The following OSBPL1A variants were observed in gnomAD, a reference collection of about 807,000 sequenced individuals.
The protein encoded by OSBPL1A is oxysterol binding protein like 1A.
OSBPL1A carries 80 observed loss-of-function variants against 137.1 expected under a neutral mutation model. That is an observed-to-expected ratio of 0.58 (90% confidence interval 0.49 to 0.70). The LOEUF is 0.70. OSBPL1A is among the 30% of genes least tolerant of loss of function. OSBPL1A has a pLI of 0.00. For missense variants in OSBPL1A, 970 were observed against 1,129.4 expected (o/e 0.86, Z 2.02); for synonymous variants, 365 against 389.7 (o/e 0.94, Z 0.75).
At chr18:24,349,506 C>T (rs558026592) in intron 4 of OSBPL1A, among the ~76,000 whole-genome samples, 11 of 152,190 alleles carry the variant, frequency 7.2e-5, no homozygotes, top group East Asian at 1.9e-4. Context: ...GACTAGAAGA[C>T]GGACTTGAAG....
chr18:24,327,923 A>T (rs1363853216), intron 7 of OSBPL1A, among the ~76,000 whole-genome samples: 1 of 150,642 alleles, frequency 6.6e-6, no homozygotes, highest in Non-Finnish European at 1.5e-5. Context: ...ATTAATTCTT[A>T]TTTCATTTGG....
intron 23 of OSBPL1A, 38 bp from the exon 24 acceptor site, chr18:24,170,491 GTT>G (rs1208909457): frequency 6.2e-7 from 1 of 1,612,734 alleles, no homozygotes; most frequent in Non-Finnish European, 8.5e-7. Context: ...ACAAACCAGT[GTT>G]TGTTTTTTTA....
At chr18:24,281,941 A>T (rs1175273252) in intron 14 of OSBPL1A, among the ~76,000 whole-genome samples, 1 of 152,182 alleles carries the variant, frequency 6.6e-6, no homozygotes, top group Non-Finnish European at 1.5e-5. Context: ...TGGCAGCATT[A>T]GATTCTCACG....
intron 18 of OSBPL1A, among the ~76,000 whole-genome samples, chr18:24,190,296 G>A (rs1394319877): frequency 2.2e-5 from 3 of 138,022 alleles, no homozygotes; most frequent in Non-Finnish European, 3.1e-5. Flanking sequence ...TGGAGGGACC[G>A]TGCTGCTCCT....
intron 2 of OSBPL1A, among the ~76,000 whole-genome samples, chr18:24,376,293 A>C (rs1009543373): frequency 6.6e-6 from 1 of 152,164 alleles, no homozygotes; most frequent in Non-Finnish European, 1.5e-5. Context: ...GGTTAGCTAG[A>C]TACAGAGTGT....
At chr18:24,254,997 A>G (rs1443921530) in intron 15 of OSBPL1A, among the ~76,000 whole-genome samples, 1 of 152,210 alleles carries the variant, frequency 6.6e-6, no homozygotes, top group Non-Finnish European at 1.5e-5. Flanking sequence ...AATAAATAAA[A>G]TCAGGGATGA....
intron 7 of OSBPL1A, among the ~76,000 whole-genome samples, chr18:24,328,218 ATTTTTTTTTT>A (rs564798076): frequency 0.011 from 557 of 48,610 alleles, 11 homozygotes; most frequent in African/African-American, 0.016. Context: ...AATTTTTTGT[ATTTTTTTTTT>A]TTTTTTTTTT....
chr18:24,241,020 T>C (rs1396855736), intron 15 of OSBPL1A, among the ~76,000 whole-genome samples: 3 of 152,178 alleles, frequency 2.0e-5, no homozygotes, highest in African/African-American at 7.2e-5. Flanking sequence ...AAACAAGCAA[T>C]GGGGAAAGGA....
intron 4 of OSBPL1A, among the ~76,000 whole-genome samples, chr18:24,362,120 G>C (rs1044572249): frequency 3.9e-5 from 6 of 152,068 alleles, no homozygotes; most frequent in Admixed American, 3.3e-4. Context: ...CCAGCTGCAA[G>C]ATGTTAGGAA....
chr18:24,221,883 T>G (rs1458290828), intron 17 of OSBPL1A, among the ~76,000 whole-genome samples: 1 of 152,214 alleles, frequency 6.6e-6, no homozygotes, highest in Non-Finnish European at 1.5e-5. Flanking sequence ...CAGTTTTAAT[T>G]GTAGTTTCTG....
chr18:24,175,830 A>G (rs1350164975), intron 21 of OSBPL1A, among the ~76,000 whole-genome samples: 2 of 152,162 alleles, frequency 1.3e-5, no homozygotes, highest in Non-Finnish European at 2.9e-5. Flanking sequence ...GTCTAGTTTG[A>G]GGTTCATTTT....
At position 24,341,149 on chromosome 18, in the gene OSBPL1A, T is replaced by C. The variant is rs114630445; in HGVS notation, c.394+398A>G. ...TAGCTGAGACTACAGGTGCACACCA[T>C]CATATCCACTTAATTTTTAATTTTT... On this transcript the variant is annotated intron_variant, in intron 5 of 27. Transcript: ENST00000319481. Among the ~76,000 whole-genome samples the C allele has an allele frequency of 7.3e-3, 1,115 of 152,148 alleles. 15 individuals carry two copies. Among genetic ancestry groups the C allele is most frequent in the African/African-American group, 0.026 (1,080 of 41,514 alleles).
At chr18:24,367,029 A>G in intron 3 of OSBPL1A, 63 bp from the exon 4 acceptor site, 1 of 1,396,728 alleles carries the variant, frequency 7.2e-7, no homozygotes, top group Non-Finnish European at 9.8e-7. Flanking sequence ...TTCCTTCAAA[A>G]TATATTAAGG....
Position 24,325,413 on chromosome 18 carries a change from G to C in OSBPL1A, c.626-6604C>G, listed in dbSNP as rs145953931. Among the ~76,000 whole-genome samples the C allele has an allele frequency of 8.1e-4, 123 of 152,286 alleles. 1 individual carries two copies. Among genetic ancestry groups the C allele is most frequent in the South Asian group, 6.2e-3 (30 of 4,822 alleles). ...GTTTTCCTTTTCCTCAATGTGCCAC[G>C]TGTTCTTCTACTCCAGAGCTTTTAC... On this transcript the variant is annotated intron_variant, in intron 7 of 27. Coordinates refer to ENST00000319481, the MANE Select transcript of OSBPL1A (RefSeq NM_080597.4).
rs1211656258 is a variant in OSBPL1A, at chr18:24,163,383, TGTGA to T, written c.2751-106_2751-103del. The stretch of plus-strand genomic sequence containing the variant: ...ATTATTCTATTGCAGCAACTCATTC[TGTGA>T]GTGAGGGATAGTTCTAAAGAGATGC... On this transcript the variant is annotated intron_variant, in intron 27 of 27. Transcript: ENST00000319481. 5.1e-6 allele frequency: 4 copies of T among 783,284 alleles called. No individual in the cohort carries two copies. In the African/African-American group the frequency reaches 5.3e-5, roughly 10 times the overall value. 48.5% of individuals were successfully genotyped at this position (783,284 alleles called of 1,614,324 possible).
chr18:24,306,800 C>T lies in OSBPL1A; in HGVS notation c.1093-3082G>A, dbSNP rs551656122. 1.8e-4 allele frequency among the ~76,000 whole-genome samples: 27 copies of T among 152,240 alleles called. No individual in the cohort carries two copies. The South Asian group carries it at 5.6e-3, about 32-fold the overall frequency. On this transcript the variant is annotated intron_variant, in intron 13 of 27. Transcript: ENST00000319481. ...AAGACATAAAGTGAATTCCTTTTTTCTGCAAACATTATATTTCAATATTAA... is the reference window on the plus strand; with the variant it reads ...AAGACATAAAGTGAATTCCTTTTTTTTGCAAACATTATATTTCAATATTAA...
At chr18:24,210,133 T>C (rs1185374419) in intron 17 of OSBPL1A, among the ~76,000 whole-genome samples, 1 of 152,110 alleles carries the variant, frequency 6.6e-6, no homozygotes, top group Non-Finnish European at 1.5e-5. Context: ...TAAAAATTAC[T>C]GAAGACCCCA....
At chr18:24,304,070 T>C (rs1458682855) in intron 13 of OSBPL1A, among the ~76,000 whole-genome samples, 1 of 152,176 alleles carries the variant, frequency 6.6e-6, no homozygotes, top group Non-Finnish European at 1.5e-5. Context: ...ATGAAATTCA[T>C]CAAGAAATTA....
intron 16 of OSBPL1A, among the ~76,000 whole-genome samples, chr18:24,230,001 C>T (rs764438116): frequency 6.6e-5 from 10 of 152,214 alleles, no homozygotes; most frequent in South Asian, 6.2e-4. Flanking sequence ...CCGCCCACCT[C>T]GGCCTCCCAA....
Sources: allele counts gnomAD v4.1 joint callset (sites outside exome capture counted in the v4.1 genomes callset), GRCh38; gene constraint gnomAD v4.1.1; transcripts MANE v1.5; gene names NCBI Gene and HGNC (gene_info 2026-07-23, HGNC 2026-07-21).